IRAK1BP1: variants seen among roughly 807,000 people sequenced by gnomAD.
IRAK1BP1 encodes interleukin-1 receptor-associated kinase 1-binding protein 1.
Under a neutral mutation model 28.0 loss-of-function variants are expected in IRAK1BP1, and 24 were observed. The ratio of observed to expected loss-of-function variants is 0.86; its 90% CI spans 0.62 to 1.20. The LOEUF (loss-of-function observed/expected upper bound fraction) is 1.20. IRAK1BP1 is among the 50% of genes most tolerant of loss of function. The probability of loss-of-function intolerance (pLI) is 0.00; values close to 1 mark genes in which losing one functional copy is unlikely to be tolerated. For missense variants in IRAK1BP1, 336 were observed against 316.7 expected, an observed-to-expected ratio of 1.06 and a Z score of -0.46; for synonymous variants, 131 against 116.3, an observed-to-expected ratio of 1.13 and a Z score of -0.81.
At chr6:78,968,253 AC>A in the IRAK1BP1 span, among the ~76,000 whole-genome samples, 1 of 151,906 alleles carries the variant, frequency 6.6e-6, no homozygotes, top group South Asian at 2.1e-4. Flanking sequence ...TATTTTACCT[AC>A]TACTTCTTGA....
downstream of IRAK1BP1, among the ~76,000 whole-genome samples, chr6:78,947,464 G>A (rs1773889337): frequency 6.6e-6 from 1 of 152,160 alleles, no homozygotes; most frequent in Non-Finnish European, 1.5e-5. Flanking sequence ...CATACAAGGA[G>A]CTGAGTAGAA....
intron 4 of IRAK1BP1, among the ~76,000 whole-genome samples, chr6:78,926,003 A>G (rs1005578891): frequency 6.6e-6 from 1 of 152,088 alleles, no homozygotes; most frequent in Non-Finnish European, 1.5e-5. Flanking sequence ...CATGGGCACA[A>G]AGAAGGAATA....
chr6:78,948,440 T>C (rs1041500604), downstream of IRAK1BP1, among the ~76,000 whole-genome samples: 2 of 152,190 alleles, frequency 1.3e-5, no homozygotes, highest in Non-Finnish European at 2.9e-5. Context: ...TAATATGGTA[T>C]ATAATTCTAA....
At chr6:78,897,684 A>G (rs1355173274) in intron 2 of IRAK1BP1, 145 bp from the exon 3 acceptor site, 4 of 497,772 alleles carry the variant, frequency 8.0e-6, no homozygotes, top group Admixed American at 3.8e-5. Context: ...TAATTTAGTT[A>G]TAAGTATCAA....
chr6:78,965,970 T>A, the IRAK1BP1 span: 2 of 1,609,588 alleles, frequency 1.2e-6, no homozygotes, highest in Non-Finnish European at 1.7e-6. Flanking sequence ...TGAAACAGAC[T>A]ATCAGGGTAC....
At chr6:78,876,906 C>T (rs1250050856) in intron 1 of IRAK1BP1, among the ~76,000 whole-genome samples, 1 of 152,170 alleles carries the variant, frequency 6.6e-6, no homozygotes, top group Non-Finnish European at 1.5e-5. Context: ...AAATCTCATA[C>T]TCTGTGTTGG....
chr6:78,961,583 TG>T, the IRAK1BP1 span: 1 of 1,010,794 alleles, frequency 9.9e-7, no homozygotes, highest in African/African-American at 1.6e-5. Context: ...CATAATCTTA[TG>T]TGCATTCCTA....
intron 2 of IRAK1BP1, among the ~76,000 whole-genome samples, chr6:78,895,120 A>T (rs1429715112): frequency 6.6e-6 from 1 of 152,124 alleles, no homozygotes; most frequent in African/African-American, 2.4e-5. Flanking sequence ...CTCAAAAAAA[A>T]AAAAAAAGTA....
At chr6:78,940,759 T>C (rs765534918) in intron 4 of IRAK1BP1, 4 of 1,613,676 alleles carry the variant, frequency 2.5e-6, no homozygotes, top group Non-Finnish European at 3.4e-6. Context: ...TACTAGAAGT[T>C]CCAAAAGTTA....
chr6:78,903,357 G>C (rs1772169764), downstream of IRAK1BP1, among the ~76,000 whole-genome samples: 1 of 151,966 alleles, frequency 6.6e-6, no homozygotes, highest in Admixed American at 6.6e-5. Context: ...TGGGTGTGGT[G>C]GCACACGCCT....
chr6:78,960,541 T>C, the IRAK1BP1 span, among the ~76,000 whole-genome samples: 3 of 151,338 alleles, frequency 2.0e-5, no homozygotes, highest in Admixed American at 1.3e-4. Context: ...GGGAACCACA[T>C]AGCAGGGAGG....
the IRAK1BP1 span, chr6:78,955,502 T>C: frequency 3.6e-6 from 2 of 552,558 alleles, no homozygotes; most frequent in Middle Eastern, 4.7e-4. Flanking sequence ...TTAAATTAAC[T>C]ACACTAGACA....
chr6:78,970,743 T>A, the IRAK1BP1 span: 5 of 1,294,116 alleles, frequency 3.9e-6, no homozygotes, highest in Non-Finnish European at 5.5e-6. Context: ...TCCATAATTG[T>A]ATTTTTGGGG....
intron 4 of IRAK1BP1, among the ~76,000 whole-genome samples, chr6:78,913,054 G>A (rs1261655866): frequency 2.0e-5 from 3 of 152,180 alleles, no homozygotes; most frequent in Admixed American, 6.5e-5. Context: ...TATAAGTCAT[G>A]GCCGGGTGCG....
intron 4 of IRAK1BP1, among the ~76,000 whole-genome samples, chr6:78,909,979 G>A (rs191979250): frequency 7.9e-5 from 12 of 152,278 alleles, no homozygotes; most frequent in Admixed American, 2.6e-4. Context: ...GGGTGGAAGG[G>A]AAACAATGAA....
the IRAK1BP1 span, among the ~76,000 whole-genome samples, chr6:78,970,394 A>T: frequency 6.6e-6 from 1 of 152,138 alleles, no homozygotes; most frequent in Admixed American, 6.5e-5. Flanking sequence ...AAAAAAAATA[A>T]GGAGAACTTT....
chr6:78,873,401 A>G (rs1334063391), intron 1 of IRAK1BP1, among the ~76,000 whole-genome samples: 1 of 151,056 alleles, frequency 6.6e-6, no homozygotes, highest in Non-Finnish European at 1.5e-5. Context: ...AAATTCATTA[A>G]TTTTTTTCTG....
the IRAK1BP1 span, among the ~76,000 whole-genome samples, chr6:78,974,091 C>T: frequency 1.3e-5 from 2 of 152,036 alleles, no homozygotes; most frequent in Admixed American, 6.6e-5. Context: ...CAGCACCACA[C>T]CACACCTATT....
the IRAK1BP1 span, among the ~76,000 whole-genome samples, chr6:78,964,936 T>C: frequency 3.3e-5 from 5 of 152,222 alleles, no homozygotes; most frequent in Admixed American, 2.6e-4. Context: ...CAATTGTGCA[T>C]GTGTGTTGTA....
Sources: allele counts gnomAD v4.1 joint callset (sites outside exome capture counted in the v4.1 genomes callset), GRCh38; gene constraint gnomAD v4.1.1; transcripts MANE v1.5; gene names NCBI Gene and HGNC (gene_info 2026-07-23, HGNC 2026-07-21).